Variants in SAMD5 observed in about 807,000 individuals in gnomAD.
The protein encoded by SAMD5 is sterile alpha motif domain containing 5.
In SAMD5, 13 loss-of-function variants were observed where a neutral mutation model predicts 11.3. The observed-to-expected ratio is 1.15, with a 90% CI of 0.75 to 1.83. The LOEUF (loss-of-function observed/expected upper bound fraction) is 1.83. Ranked by LOEUF, SAMD5 falls within the 40% of genes most tolerant of loss-of-function variation. SAMD5 has a pLI of 0.00. For synonymous variants in SAMD5, 129 were observed against 111.3 expected (o/e 1.16, Z -1.00); for missense variants, 255 against 239.1 (o/e 1.07, Z -0.44).
chr6:147,533,721 T>A (rs551380051), intron 1 of SAMD5, among the ~76,000 whole-genome samples: 1 of 152,086 alleles, frequency 6.6e-6, no homozygotes, highest in Admixed American at 6.5e-5. Flanking sequence ...TGGGGCAGAC[T>A]GGCAGCTGCA....
At chr6:147,522,801 T>C (rs1422329898) in intron 1 of SAMD5, among the ~76,000 whole-genome samples, 2 of 152,162 alleles carry the variant, frequency 1.3e-5, no homozygotes, top group Non-Finnish European at 2.9e-5. Flanking sequence ...GAGGCAGCAA[T>C]AGAAGTGGGG....
At chr6:147,765,232 T>C in the SAMD5 span, among the ~76,000 whole-genome samples, 3 of 152,216 alleles carry the variant, frequency 2.0e-5, no homozygotes, top group Non-Finnish European at 2.9e-5. Context: ...TTTCAAAGTA[T>C]GAACTCTCCT....
chr6:147,625,279 G>A (rs1163156422), intron 1 of SAMD5, among the ~76,000 whole-genome samples: 2 of 152,150 alleles, frequency 1.3e-5, no homozygotes, highest in Admixed American at 1.3e-4. Context: ...TAGTCGTCAT[G>A]GTAAATGCTG....
In SAMD5 at chr6:147,699,193, C is replaced by G. The variant is rs146027957; in HGVS notation, c.163-38124C>G. Among the ~76,000 whole-genome samples the G allele has an allele frequency of 3.5e-4, 53 of 152,286 alleles. 1 individual carries two copies. Among genetic ancestry groups the G allele is most frequent in the African/African-American group, 1.2e-3 (50 of 41,566 alleles). ...ACCCCAATTCTTTGACCATAGGCTC[C>G]TTGACTTGGTATCCTTCAGCACCTA... On this transcript the variant is annotated intron_variant, in intron 1 of 1. Transcript: ENST00000566741.
chr6:147,577,137 G>A (rs1349370221), intron 1 of SAMD5, among the ~76,000 whole-genome samples: 2 of 152,164 alleles, frequency 1.3e-5, no homozygotes, highest in East Asian at 3.8e-4. Context: ...GAAGGAATTT[G>A]TACTTCACAG....
the SAMD5 span, among the ~76,000 whole-genome samples, chr6:147,935,509 T>C: frequency 6.6e-6 from 1 of 152,232 alleles, no homozygotes; most frequent in Non-Finnish European, 1.5e-5. Flanking sequence ...GGTGATGTCC[T>C]ACAGAATATA....
At chr6:147,670,618 C>T (rs1790781793) in intron 1 of SAMD5, among the ~76,000 whole-genome samples, 1 of 152,196 alleles carries the variant, frequency 6.6e-6, no homozygotes, top group African/African-American at 2.4e-5. Flanking sequence ...TTGGTGATGG[C>T]TTCTTTTCTT....
At chr6:147,750,233 A>C in the SAMD5 span, among the ~76,000 whole-genome samples, 2 of 152,204 alleles carry the variant, frequency 1.3e-5, no homozygotes, top group Admixed American at 6.5e-5. Context: ...AACATGCATA[A>C]ATAGCATATG....
At chr6:147,796,248 G>T in the SAMD5 span, among the ~76,000 whole-genome samples, 2 of 151,056 alleles carry the variant, frequency 1.3e-5, no homozygotes, top group Non-Finnish European at 2.9e-5. Context: ...TTTATATAAG[G>T]TGTAAGGAAG....
chr6:147,656,239 G>A (rs1790564570), intron 1 of SAMD5, among the ~76,000 whole-genome samples: 1 of 152,156 alleles, frequency 6.6e-6, no homozygotes. Context: ...ACACACGCTA[G>A]CAGAAAACAT....
chr6:147,654,386 C>T (rs1221795658), intron 1 of SAMD5, among the ~76,000 whole-genome samples: 1 of 152,082 alleles, frequency 6.6e-6, no homozygotes, highest in Non-Finnish European at 1.5e-5. Flanking sequence ...GAGAAATTAT[C>T]TCTATACAAA....
the SAMD5 span, among the ~76,000 whole-genome samples, chr6:147,852,412 A>G: frequency 6.6e-6 from 1 of 152,146 alleles, no homozygotes; most frequent in Non-Finnish European, 1.5e-5. Context: ...CCTGAGAATA[A>G]TTACGTGGTA....
intron 1 of SAMD5, among the ~76,000 whole-genome samples, chr6:147,539,807 A>G (rs958830232): frequency 2.0e-5 from 3 of 152,086 alleles, no homozygotes; most frequent in Non-Finnish European, 4.4e-5. Context: ...CCTTTTAAAT[A>G]TATCTATAGT....
intron 1 of SAMD5, among the ~76,000 whole-genome samples, chr6:147,623,459 T>C (rs1430407700): frequency 4.6e-5 from 7 of 152,212 alleles, no homozygotes; most frequent in Admixed American, 3.9e-4. Flanking sequence ...GTAACACATA[T>C]TACACTAACA....
chr6:147,868,454 CTTAA>C, the SAMD5 span, among the ~76,000 whole-genome samples: 1 of 152,110 alleles, frequency 6.6e-6, no homozygotes, highest in Non-Finnish European at 1.5e-5. Flanking sequence ...AATTGTGGGA[CTTAA>C]TTAATTACCT....
chr6:147,794,768 C>T, the SAMD5 span, among the ~76,000 whole-genome samples: 1 of 152,040 alleles, frequency 6.6e-6, no homozygotes, highest in Admixed American at 6.6e-5. Flanking sequence ...AATATTTCTG[C>T]CAATGTCCCT....
the SAMD5 span, among the ~76,000 whole-genome samples, chr6:147,744,216 C>T: frequency 9.9e-5 from 15 of 152,146 alleles, no homozygotes; most frequent in Admixed American, 7.9e-4. Flanking sequence ...AGGTAAGTTA[C>T]TTAACCTCTC....
At chr6:147,876,415 A>G in the SAMD5 span, among the ~76,000 whole-genome samples, 7 of 152,226 alleles carry the variant, frequency 4.6e-5, no homozygotes, top group Admixed American at 4.6e-4. Flanking sequence ...TCCTCAGCCC[A>G]GAGAAATGAA....
At chr6:147,622,167 C>T (rs1381094163) in intron 1 of SAMD5, among the ~76,000 whole-genome samples, 4 of 152,060 alleles carry the variant, frequency 2.6e-5, no homozygotes, top group African/African-American at 4.8e-5. Flanking sequence ...GGTTCCAGGA[C>T]CCCCCACTGT....
Sources: allele counts gnomAD v4.1 joint callset (sites outside exome capture counted in the v4.1 genomes callset), GRCh38; gene constraint gnomAD v4.1.1; transcripts MANE v1.5; gene names NCBI Gene and HGNC (gene_info 2026-07-23, HGNC 2026-07-21).